The following MMACHC variants were observed in gnomAD, a reference collection of about 807,000 sequenced individuals.
MMACHC encodes metabolism of cobalamin associated C.
In MMACHC, 14 loss-of-function variants were observed where a neutral mutation model predicts 17.6. The observed-to-expected ratio is 0.80, with a 90% CI of 0.53 to 1.25. The LOEUF (loss-of-function observed/expected upper bound fraction) is 1.25. Among genes scored for constraint, MMACHC ranks in the 50% most tolerant of loss-of-function variants. MMACHC has a pLI of 0.00. For synonymous variants in MMACHC, 151 were observed against 142.1 expected, an observed-to-expected ratio of 1.06 and a Z score of -0.45; for missense variants, 392 against 364.5, an observed-to-expected ratio of 1.08 and a Z score of -0.62.
intron 1 of MMACHC, among the ~76,000 whole-genome samples, chr1:45,503,251 A>C (rs945605108): frequency 2.0e-5 from 3 of 151,872 alleles, no homozygotes; most frequent in African/African-American, 7.2e-5. Context: ...ATACAAAATT[A>C]GGTGGGCGTG....
rs2149323946 is a variant in MMACHC at position 45,508,973 on chromosome 1, T to C, written c.607T>C (p.Trp203Arg). ...LEGFNFHWRD[W>R]TYRDAVTPQE... ...AGGCTTCAATTTCCACTGGCGTGATTGGACTTACCGGGATGCTGTGACACC... is the reference window on the plus strand; with the variant it reads ...AGGCTTCAATTTCCACTGGCGTGATCGGACTTACCGGGATGCTGTGACACC... The change falls in exon 4 of 4, where the codon TGG becomes CGG. Residue 203 changes from tryptophan (W) to arginine (R), a missense_variant. Physicochemically the swap from Trp to Arg is moderately radical, Grantham distance 101. Transcript: ENST00000401061. 6.2e-7 allele frequency: 1 copy of C among 1,614,148 alleles called. No individual in the cohort carries two copies. The highest frequency in any genetic ancestry group is 1.1e-5 in the South Asian group (1 of 91,080).
At position 45,511,861 on chromosome 1, in the gene MMACHC, C is replaced by T. The variant is rs1557611492; in HGVS notation, c.*2646C>T. 6.5e-6 allele frequency: 1 copy of T among 152,676 alleles called. No individual in the cohort carries two copies. Among genetic ancestry groups the T allele is most frequent in the East Asian group, 1.9e-4 (1 of 5,182 alleles). 9.5% of individuals were successfully genotyped at this position (152,676 alleles called of 1,614,324 possible). The stretch of plus-strand genomic sequence containing the variant: ...CTCTACCAAACTGGATAGCCTGAAC[C>T]TTATAAAGGATCAAGAACTTAACAG... On this transcript the variant is annotated 3_prime_UTR_variant, in exon 4 of 4. Transcript: ENST00000401061.
At position 45,509,157 on chromosome 1, in the gene MMACHC, G is replaced by A. The variant is rs977290598; in HGVS notation, c.791G>A (p.Ser264Asn). The change falls in exon 4 of 4, where the codon AGC (serine) becomes AAC (asparagine). Residue 264 changes from serine to asparagine, a missense_variant. Ser to Asn is a conservative substitution (Grantham distance 46, BLOSUM62 1). Transcript: ENST00000401061. Reference protein sequence around the residue: ...TPAPKKPGNPSRARSWLSPRV... With the variant: ...TPAPKKPGNPNRARSWLSPRV... ...GCCCCCAAGAAGCCTGGGAATCCCAGCAGAGCCCGGAGCTGGCTCAGCCCC... is the reference window on the plus strand; with the variant it reads ...GCCCCCAAGAAGCCTGGGAATCCCAACAGAGCCCGGAGCTGGCTCAGCCCC... 1.9e-6 allele frequency: 3 copies of A among 1,613,696 alleles called. No individual in the cohort carries two copies. The highest frequency in any genetic ancestry group is 2.5e-6 in the Non-Finnish European group (3 of 1,179,890).
Position 45,510,184 on chromosome 1 carries a change from C to G in MMACHC, c.*969C>G, listed in dbSNP as rs11580609. ...TAGTAAGCAGTATGTTGGCCATTAC[C>G]AAAGGCCCTGGGAATTCTGTACTGC... On this transcript the variant is annotated 3_prime_UTR_variant, in exon 4 of 4. Transcript: ENST00000401061. 66,591 of 151,762 alleles carry G rather than the reference C, an allele frequency of 0.44. 14,819 individuals carry two copies. The highest frequency in any genetic ancestry group is 0.59 in the East Asian group (3,049 of 5,158). The allele number at this position is 151,762 out of a possible 1,614,324, so 9.4% of individuals were successfully genotyped here.
Position 45,509,434 on chromosome 1 carries a change from GAC to G in MMACHC, c.*221_*222del, listed in dbSNP as rs1335800344. The stretch of plus-strand genomic sequence containing the variant: ...CAAATGAGTTTTTTTTTTTTTTTTA[GAC>G]AGAGTCTTACTCTGTCACCTAGGCT... On this transcript the variant is annotated 3_prime_UTR_variant, in exon 4 of 4. Coordinates refer to ENST00000401061, the MANE Select transcript of MMACHC (RefSeq NM_015506.3). The G allele has an allele frequency of 1.1e-5, 3 of 282,526 alleles. No individual in the cohort carries two copies. The African/African-American group carries it at 3.6e-4, about 34-fold the overall frequency. 17.5% of individuals were successfully genotyped at this position (282,526 alleles called of 1,614,324 possible). A position where few individuals can be genotyped will look rare whatever the true frequency, so the allele number is the denominator to read the frequency against.
At position 45,509,283 on chromosome 1, in the gene MMACHC, A is replaced by G; in HGVS notation, c.*68A>G. 6.4e-7 allele frequency: 1 copy of G among 1,569,268 alleles called. No individual in the cohort carries two copies. The highest frequency in any genetic ancestry group is 8.8e-7 in the Non-Finnish European group (1 of 1,140,382). The stretch of plus-strand genomic sequence containing the variant: ...GACTTAATTGGCTTTGGCAAAGCAA[A>G]AGGTTTTGAGTACAAGATTACTATT... On this transcript the variant is annotated 3_prime_UTR_variant, in exon 4 of 4. Transcript: ENST00000401061.
rs1364665536 is a variant in MMACHC at position 45,509,288 on chromosome 1, T to A, written c.*73T>A. The A allele has an allele frequency of 6.5e-7, 1 of 1,532,182 alleles. No individual in the cohort carries two copies. The highest frequency in any genetic ancestry group is 2.2e-5 in the East Asian group (1 of 44,482). The allele number at this position is 1,532,182 out of a possible 1,614,324, so 94.9% of individuals were successfully genotyped here. A position where few individuals can be genotyped will look rare whatever the true frequency, so the allele number is the denominator to read the frequency against. ...AATTGGCTTTGGCAAAGCAAAAGGTTTTGAGTACAAGATTACTATTTTTGA... is the reference window on the plus strand; with the variant it reads ...AATTGGCTTTGGCAAAGCAAAAGGTATTGAGTACAAGATTACTATTTTTGA... On this transcript the variant is annotated 3_prime_UTR_variant, in exon 4 of 4. Coordinates refer to ENST00000401061, the MANE Select transcript of MMACHC (RefSeq NM_015506.3).
intron 3 of MMACHC, 96 bp from the exon 4 acceptor site, chr1:45,508,698 ACT>A (rs1248745695): frequency 1.3e-5 from 18 of 1,354,184 alleles, no homozygotes; most frequent in East Asian, 2.4e-5. Flanking sequence ...GTCAGTGTAC[ACT>A]GAGTGGGAAG....
intron 2 of MMACHC, 121 bp from the exon 3 acceptor site, chr1:45,508,091 C>A: frequency 7.9e-7 from 1 of 1,257,918 alleles, no homozygotes; most frequent in Non-Finnish European, 1.2e-6. Context: ...AAGTTAAGGT[C>A]ATGTTTTCCC....
chr1:45,512,533 CAAAA>C lies in MMACHC; in HGVS notation c.*3326_*3329del, dbSNP rs544265336. 1 of 140,648 alleles carries C rather than the reference CAAAA, an allele frequency of 7.1e-6. No homozygotes were observed. Among genetic ancestry groups the C allele is most frequent in the African/African-American group, 2.6e-5 (1 of 38,490 alleles). 8.7% of individuals were successfully genotyped at this position (140,648 alleles called of 1,614,324 possible). A position where few individuals can be genotyped will look rare whatever the true frequency, so the allele number is the denominator to read the frequency against. On this transcript the variant is annotated 3_prime_UTR_variant, in exon 4 of 4. Coordinates refer to ENST00000401061, the MANE Select transcript of MMACHC (RefSeq NM_015506.3). Reference sequence around the variant, plus strand: ...TGGGCGACAAAACAAGACTCTGTCTCAAAAAAAAAAAGTGTTTGGCATTCATTGG... The same window carrying C: ...TGGGCGACAAAACAAGACTCTGTCTCAAAAAAAGTGTTTGGCATTCATTGG...
In MMACHC at chr1:45,507,550, G is replaced by T. The variant is rs556977618; in HGVS notation, c.276G>T (p.Glu92Asp). ...CVAYHLGRVR[E>D]SLPELQIEII... is the part of the protein sequence containing the mutation. ...CCTACCATCTGGGCCGTGTTAGAGA[G>T]GTGAGGAAGGCTCAGTTTTCCCCCA... The change falls in exon 2 of 4, where the codon GAG becomes GAT. Residue 92 changes from glutamate to aspartate, a missense_variant and splice_region_variant. By Grantham distance (45) the Glu-to-Asp change is conservative. Transcript: ENST00000401061. 1.7e-5 allele frequency: 27 copies of T among 1,614,052 alleles called. No homozygotes were observed. Among genetic ancestry groups the T allele is most frequent in the Non-Finnish European group, 2.3e-5 (27 of 1,180,046 alleles).
chr1:45,509,416 G>GGTTTTT lies in MMACHC; in HGVS notation c.*201_*202insGTTTTT, dbSNP rs764756648. On this transcript the variant is annotated 3_prime_UTR_variant, in exon 4 of 4. Transcript: ENST00000401061. Reference sequence around the variant, plus strand: ...AGAATTCCCATCTGCCTTCAAATGAGTTTTTTTTTTTTTTTTAGACAGAGT... The same window carrying GGTTTTT: ...AGAATTCCCATCTGCCTTCAAATGAGGTTTTTTTTTTTTTTTTTTTTTAGACAGAGT... 6 of 391,734 alleles carry GGTTTTT rather than the reference G, an allele frequency of 1.5e-5. No individual in the cohort carries two copies. The highest frequency in any genetic ancestry group is 5.5e-5 in the African/African-American group (2 of 36,232). 24.3% of individuals were successfully genotyped at this position (391,734 alleles called of 1,614,324 possible).
chr1:45,504,050 G>A (rs1300400639), intron 1 of MMACHC, among the ~76,000 whole-genome samples: 1 of 152,198 alleles, frequency 6.6e-6, no homozygotes, highest in Non-Finnish European at 1.5e-5. Flanking sequence ...CAAATATTGT[G>A]TGTCCTAAAA....
chr1:45,512,069 CTTTTTTTTTTTTTTTTT>C lies in MMACHC; in HGVS notation c.*2865_*2881del. 6 of 66,922 alleles carry C rather than the reference CTTTTTTTTTTTTTTTTT, an allele frequency of 9.0e-5. 1 individual carries two copies. The Middle Eastern group carries it at 0.071, about 797-fold the overall frequency. The allele number at this position is 66,922 out of a possible 1,614,324, so 4.1% of individuals were successfully genotyped here. On this transcript the variant is annotated 3_prime_UTR_variant, in exon 4 of 4. Transcript: ENST00000401061. ...GCAAGGGGACTAATCTCTTATTTTT[CTTTTTTTTTTTTTTTTT>C]TTTTTTTTTTGAGATGGAGTCTCCC...
intron 1 of MMACHC, among the ~76,000 whole-genome samples, chr1:45,502,711 T>C (rs1007241856): frequency 6.6e-6 from 1 of 151,674 alleles, no homozygotes; most frequent in Non-Finnish European, 1.5e-5. Flanking sequence ...CTTTTCTTTT[T>C]TTTTTTTTTT....
At chr1:45,507,043 G>T (rs181476864) in intron 1 of MMACHC, among the ~76,000 whole-genome samples, 1 of 151,960 alleles carries the variant, frequency 6.6e-6, no homozygotes, top group Non-Finnish European at 1.5e-5. Context: ...AGTGCACATC[G>T]TAATCCCAGC....
In MMACHC at chr1:45,512,164, C is replaced by T. The variant is rs1455759735; in HGVS notation, c.*2949C>T. On this transcript the variant is annotated 3_prime_UTR_variant, in exon 4 of 4. Coordinates refer to ENST00000401061, the MANE Select transcript of MMACHC (RefSeq NM_015506.3). ...CGCAATCTCCACCTCCGTCTCACTGCAACCTCGGTCTCCCGGGTTCAAGCG... is the reference window on the plus strand; with the variant it reads ...CGCAATCTCCACCTCCGTCTCACTGTAACCTCGGTCTCCCGGGTTCAAGCG... 1 of 138,122 alleles carries T rather than the reference C, an allele frequency of 7.2e-6. No individual in the cohort carries two copies. The allele number at this position is 138,122 out of a possible 1,614,324, so 8.6% of individuals were successfully genotyped here. A position where few individuals can be genotyped will look rare whatever the true frequency, so the allele number is the denominator to read the frequency against.
intron 1 of MMACHC, among the ~76,000 whole-genome samples, chr1:45,502,827 C>A (rs1189629722): frequency 6.6e-6 from 1 of 151,934 alleles, no homozygotes; most frequent in East Asian, 1.9e-4. Context: ...GCCTCAGCCT[C>A]CAGAGTAGGT....
intron 1 of MMACHC, among the ~76,000 whole-genome samples, chr1:45,505,617 G>A (rs565342624): frequency 2.0e-5 from 3 of 151,868 alleles, no homozygotes; most frequent in Non-Finnish European, 2.9e-5. Context: ...TTAAGAAACT[G>A]CCTGGGCTGG....
Sources: gnomAD v4.1 joint callset for allele counts (sites outside exome capture counted in the v4.1 genomes callset) on GRCh38, gnomAD v4.1.1 for gene constraint, MANE v1.5 for transcripts, NCBI Gene and HGNC (gene_info 2026-07-23, HGNC 2026-07-21) for gene names.